Variants in THSD7B observed in about 807,000 individuals in gnomAD.
THSD7B encodes the protein thrombospondin type 1 domain containing 7B.
Under a neutral mutation model 213.6 loss-of-function variants are expected in THSD7B, and 138 were observed. That is an observed-to-expected ratio of 0.65 (90% CI 0.56 to 0.74). The LOEUF (loss-of-function observed/expected upper bound fraction) is 0.74, where lower values mean the gene tolerates loss of function less well. Among genes scored for constraint, THSD7B ranks in the 30% least tolerant of loss-of-function variants. The probability of loss-of-function intolerance (pLI) is 0.00; values close to 1 mark genes in which losing one functional copy is unlikely to be tolerated. For synonymous variants in THSD7B, 742 were observed against 687.0 expected (o/e 1.08, Z -1.25); for missense variants, 1,931 against 1,991.5 (o/e 0.97, Z 0.58).
At chr2:137,313,503 T>G (rs199988043) in intron 12 of THSD7B, among the ~76,000 whole-genome samples, 7,808 of 150,722 alleles carry the variant, frequency 0.052, 269 homozygotes, top group East Asian at 0.096. Context: ...TTAGTCCATT[T>G]ACATTTAAAG....
chr2:136,971,155 C>A (rs561880688), intron 2 of THSD7B, among the ~76,000 whole-genome samples: 2 of 151,990 alleles, frequency 1.3e-5, no homozygotes, highest in Non-Finnish European at 2.9e-5. Context: ...CTGTGATGGG[C>A]GGTTATAGAA....
chr2:137,615,521 C>T (rs879139403), intron 17 of THSD7B, among the ~76,000 whole-genome samples: 1 of 152,112 alleles, frequency 6.6e-6, no homozygotes, highest in Admixed American at 6.5e-5. Context: ...GGAACTGAGG[C>T]TACAGGAGGA....
At chr2:137,283,899 T>C (rs1683101319) in intron 12 of THSD7B, among the ~76,000 whole-genome samples, 1 of 152,162 alleles carries the variant, frequency 6.6e-6, no homozygotes, top group Non-Finnish European at 1.5e-5. Flanking sequence ...GGTATCAGGA[T>C]GATGCTGGCC....
chr2:137,378,241 A>G (rs1308699522), intron 12 of THSD7B, among the ~76,000 whole-genome samples: 1 of 152,182 alleles, frequency 6.6e-6, no homozygotes, highest in Non-Finnish European at 1.5e-5. Context: ...AATATGATTT[A>G]TATGCATTTA....
chr2:136,890,304 CTTCTTCTTCTTCTTCTTCT>C (rs1683796118), intron 2 of THSD7B, among the ~76,000 whole-genome samples: 1 of 10,730 alleles, frequency 9.3e-5, no homozygotes, highest in African/African-American at 2.1e-4. Flanking sequence ...TGTCCTACTC[CTTCTTCTTCTTCTTCTTCT>C]TCTTCTTCTT....
At chr2:137,080,251 G>T (rs1207887281) in intron 3 of THSD7B, among the ~76,000 whole-genome samples, 1 of 150,664 alleles carries the variant, frequency 6.6e-6, no homozygotes, top group Non-Finnish European at 1.5e-5. Context: ...CCCAGGCTGG[G>T]GTGCAGTGGT....
In THSD7B at chr2:136,899,309, G is replaced by A. The variant is rs140838978; in HGVS notation, c.139+16992G>A. Among the ~76,000 whole-genome samples, 121 of 152,148 alleles carry A rather than the reference G, an allele frequency of 8.0e-4. 1 individual carries two copies. Among genetic ancestry groups the A allele is most frequent in the African/African-American group, 2.7e-3 (114 of 41,498 alleles). On this transcript the variant is annotated intron_variant, in intron 2 of 27. Coordinates refer to ENST00000409968, the MANE Select transcript of THSD7B (RefSeq NM_001316349.2). ...TTTCATTTTCATATTTATTTGTATC[G>A]TGTATTATTACACACCTTAAGTAAC...
intron 14 of THSD7B, among the ~76,000 whole-genome samples, chr2:137,425,038 C>T (rs1281478028): frequency 6.6e-6 from 1 of 150,730 alleles, no homozygotes; most frequent in East Asian, 2.0e-4. Flanking sequence ...CGCCACTGCA[C>T]TCCAGCCTGG....
intron 15 of THSD7B, among the ~76,000 whole-genome samples, chr2:137,503,366 C>T (rs908657204): frequency 6.6e-6 from 1 of 152,166 alleles, no homozygotes; most frequent in African/African-American, 2.4e-5. Flanking sequence ...CACTGTTGCC[C>T]TAGACCCTGG....
At chr2:137,060,209 A>C (rs187828397) in intron 3 of THSD7B, among the ~76,000 whole-genome samples, 15 of 151,888 alleles carry the variant, frequency 9.9e-5, no homozygotes, top group African/African-American at 3.4e-4. Context: ...TTTTTAATTG[A>C]GTTGTTTTCT....
At chr2:136,995,710 T>C (rs1573755980) in intron 2 of THSD7B, among the ~76,000 whole-genome samples, 2 of 152,158 alleles carry the variant, frequency 1.3e-5, no homozygotes, top group Admixed American at 6.5e-5. Flanking sequence ...TTTCAGGAGA[T>C]AAAAATCTCA....
intron 19 of THSD7B, 126 bp downstream of exon 19, chr2:137,618,633 A>C (rs1682455089): frequency 3.7e-6 from 3 of 817,114 alleles, no homozygotes; most frequent in Non-Finnish European, 5.7e-6. Context: ...GTTCAGTTAG[A>C]GTAAGCGGTG....
intron 12 of THSD7B, among the ~76,000 whole-genome samples, chr2:137,293,256 A>G (rs1683381245): frequency 6.6e-6 from 1 of 151,862 alleles, no homozygotes; most frequent in Non-Finnish European, 1.5e-5. Context: ...CTTTCACCTC[A>G]GCCTCCCAAG....
intron 5 of THSD7B, among the ~76,000 whole-genome samples, chr2:137,154,908 C>T (rs542187816): frequency 6.6e-6 from 1 of 152,148 alleles, no homozygotes; most frequent in Admixed American, 6.6e-5. Flanking sequence ...ATTTTTCCTC[C>T]TCTTAATTAA....
intron 4 of THSD7B, among the ~76,000 whole-genome samples, chr2:137,105,985 G>A (rs893776148): frequency 1.3e-5 from 2 of 152,138 alleles, no homozygotes; most frequent in African/African-American, 4.8e-5. Context: ...GTAATTTATA[G>A]ATTCAGTGCT....
At chr2:137,342,069 T>A (rs1489323053) in intron 12 of THSD7B, among the ~76,000 whole-genome samples, 1 of 151,608 alleles carries the variant, frequency 6.6e-6, no homozygotes, top group Admixed American at 6.6e-5. Context: ...TAGTATTGAA[T>A]TGGCATTGAA....
At chr2:136,919,162 T>G (rs1337581231) in intron 2 of THSD7B, among the ~76,000 whole-genome samples, 2 of 152,230 alleles carry the variant, frequency 1.3e-5, no homozygotes, top group Non-Finnish European at 2.9e-5. Flanking sequence ...AATTGGCAAC[T>G]CAGTAGCTTT....
intron 21 of THSD7B, among the ~76,000 whole-genome samples, chr2:137,654,706 C>T (rs527538290): frequency 1.9e-3 from 295 of 152,192 alleles, no homozygotes; most frequent in Non-Finnish European, 3.1e-3. Flanking sequence ...TATTTGAGCT[C>T]TGAGATATGG....
chr2:137,467,965 T>C (rs1180893596), intron 15 of THSD7B, among the ~76,000 whole-genome samples: 1 of 152,208 alleles, frequency 6.6e-6, no homozygotes, highest in Non-Finnish European at 1.5e-5. Flanking sequence ...CTTTGGGTTA[T>C]TTATGAATGA....
Sources: gnomAD v4.1 joint callset for allele counts (sites outside exome capture counted in the v4.1 genomes callset) on GRCh38, gnomAD v4.1.1 for gene constraint, MANE v1.5 for transcripts, NCBI Gene and HGNC (gene_info 2026-07-23, HGNC 2026-07-21) for gene names.